CRLF3: variants seen among roughly 807,000 people sequenced by gnomAD.
The protein encoded by CRLF3 is cytokine receptor-like factor 3.
In CRLF3, 33 loss-of-function variants were observed where a neutral mutation model predicts 55.0. The ratio of observed to expected loss-of-function variants is 0.60; its 90% CI spans 0.46 to 0.80. CRLF3 has a LOEUF of 0.80. CRLF3 is among the 30% of genes least tolerant of loss of function. The probability of loss-of-function intolerance (pLI) is 0.00; values close to 1 mark genes in which losing one functional copy is unlikely to be tolerated. For synonymous variants in CRLF3, 238 were observed against 196.8 expected, an observed-to-expected ratio of 1.21 and a Z score of -1.75; for missense variants, 494 against 538.4, an observed-to-expected ratio of 0.92 and a Z score of 0.82.
At chr17:30,814,170 T>C (rs1292538481) in intron 1 of CRLF3, among the ~76,000 whole-genome samples, 4 of 152,074 alleles carry the variant, frequency 2.6e-5, no homozygotes, top group Non-Finnish European at 5.9e-5. Context: ...GACAGAAGAA[T>C]TGCTTGAATC....
At chr17:30,788,986 C>G (rs749567173) in intron 6 of CRLF3, among the ~76,000 whole-genome samples, 2 of 152,090 alleles carry the variant, frequency 1.3e-5, no homozygotes, top group Admixed American at 1.3e-4. Flanking sequence ...TATTGTTTCT[C>G]TTGATTCAAG....
At position 30,803,976 on chromosome 17, in the gene CRLF3, T is replaced by C. The variant is rs112220518; in HGVS notation, c.262A>G (p.Thr88Ala). ...LQEVDTIEQE[T>A]IKPLDDCQKL... ...TGGCAGTCATCTAGTGGTTTAATGGTCTCCTGTTCAATGGTGTCCACCTCT... is the reference window on the plus strand; with the variant it reads ...TGGCAGTCATCTAGTGGTTTAATGGCCTCCTGTTCAATGGTGTCCACCTCT... The change falls in exon 2 of 8, where the codon ACC becomes GCC. Residue 88 changes from threonine (T) to alanine (A), a missense_variant. Coordinates refer to ENST00000324238, the MANE Select transcript of CRLF3 (RefSeq NM_015986.4). 2 of 1,612,522 alleles carry C rather than the reference T, an allele frequency of 1.2e-6. No homozygotes were observed. Among genetic ancestry groups the C allele is most frequent in the Non-Finnish European group, 1.7e-6 (2 of 1,179,936 alleles).
intron 1 of CRLF3, among the ~76,000 whole-genome samples, chr17:30,820,186 GCATTCCTACACAGA>G (rs1455922666): frequency 6.6e-6 from 1 of 152,114 alleles, no homozygotes. Context: ...GACAATCCTT[GCATTCCTACACAGA>G]ACTTCCTTTT....
chr17:30,818,079 G>A (rs1394840984), intron 1 of CRLF3, among the ~76,000 whole-genome samples: 4 of 151,426 alleles, frequency 2.6e-5, no homozygotes, highest in Non-Finnish European at 2.9e-5. Flanking sequence ...CTTCACCATG[G>A]TGAAACCCCG....
chr17:30,797,231 G>GA, intron 3 of CRLF3, 80 bp downstream of exon 3: 1 of 982,972 alleles, frequency 1.0e-6, no homozygotes, highest in Admixed American at 1.7e-5. Context: ...CCCTTAATGA[G>GA]AATCTTGAAC....
Position 30,784,286 on chromosome 17 carries a change from A to G in CRLF3, c.1230T>C (p.Asn410=), listed in dbSNP as rs1971581571. The part of the protein sequence containing the change: ...FKLRVTISSN[N]REVVFDWLLD... ...GTAACCAGTCAAAAACCACTTCTCTATTATTTGAACTTATAGTTACTCGAA... is the reference window on the plus strand; with the variant it reads ...GTAACCAGTCAAAAACCACTTCTCTGTTATTTGAACTTATAGTTACTCGAA... Residue 410 remains asparagine (N), a synonymous_variant, in exon 8 of 8, where the codon AAT becomes AAC. Transcript: ENST00000324238. The G allele has an allele frequency of 6.2e-7, 1 of 1,614,086 alleles. No individual in the cohort carries two copies. Among genetic ancestry groups the G allele is most frequent in the Non-Finnish European group, 8.5e-7 (1 of 1,179,942 alleles).
Position 30,790,519 on chromosome 17 carries a change from A to T in CRLF3, c.959+1921T>A, listed in dbSNP as rs184928641. Reference sequence around the variant, plus strand: ...TACTTTAGAGAGTAGCATATACATAATATGTTTACAGTGTTGTCTCTTACA... The same window carrying T: ...TACTTTAGAGAGTAGCATATACATATTATGTTTACAGTGTTGTCTCTTACA... On this transcript the variant is annotated intron_variant, in intron 6 of 7. Transcript: ENST00000324238. The T allele has an allele frequency of 2.0e-5, 3 of 151,790 alleles. No individual in the cohort carries two copies. In the East Asian group the frequency reaches 5.8e-4, roughly 29 times the overall value. 9.4% of individuals were successfully genotyped at this position (151,790 alleles called of 1,614,324 possible).
intron 1 of CRLF3, among the ~76,000 whole-genome samples, chr17:30,808,278 T>G (rs1904484931): frequency 2.5e-3 from 3 of 1,218 alleles, no homozygotes; most frequent in African/African-American, 3.1e-3. Flanking sequence ...AGAACCTATA[T>G]TTTTTTTTTT....
chr17:30,788,338 AG>A (rs375404838), intron 6 of CRLF3, among the ~76,000 whole-genome samples: 36 of 129,730 alleles, frequency 2.8e-4, no homozygotes, highest in Middle Eastern at 7.8e-3. Flanking sequence ...AAAAAAAAAA[AG>A]AAAAGAAAAG....
intron 5 of CRLF3, 148 bp from the exon 6 acceptor site, chr17:30,792,720 A>G (rs1971832471): frequency 3.3e-6 from 2 of 613,490 alleles, no homozygotes; most frequent in Non-Finnish European, 5.5e-6. Context: ...TTAACAGGGT[A>G]TCATGATCAG....
intron 1 of CRLF3, among the ~76,000 whole-genome samples, chr17:30,820,528 C>G (rs892005289): frequency 2.6e-5 from 4 of 152,140 alleles, no homozygotes; most frequent in African/African-American, 9.6e-5. Flanking sequence ...CACCCAGGCA[C>G]GGTGGTAATC....
intron 6 of CRLF3, among the ~76,000 whole-genome samples, chr17:30,789,021 G>A (rs1971720364): frequency 6.6e-6 from 1 of 152,068 alleles, no homozygotes; most frequent in Non-Finnish European, 1.5e-5. Flanking sequence ...CCTCCCTTAT[G>A]CCCTTATGCA....
chr17:30,784,772 T>C (rs1248328373), intron 7 of CRLF3: 3 of 222,036 alleles, frequency 1.4e-5, no homozygotes, highest in Non-Finnish European at 2.7e-5. Flanking sequence ...TTTTTTTTTT[T>C]TTGGAGACAG....
At chr17:30,799,794 C>T (rs946492282) in intron 2 of CRLF3, among the ~76,000 whole-genome samples, 5 of 151,968 alleles carry the variant, frequency 3.3e-5, no homozygotes, top group African/African-American at 7.3e-5. Flanking sequence ...CACGAGCCAC[C>T]GCGCCCGGCC....
intron 1 of CRLF3, among the ~76,000 whole-genome samples, chr17:30,811,322 G>C (rs1466636003): frequency 6.6e-6 from 1 of 151,504 alleles, no homozygotes; most frequent in African/African-American, 2.4e-5. Flanking sequence ...GGGTTTGGTG[G>C]TGCCTGCCCG....
At chr17:30,817,354 C>A (rs1218063431) in intron 1 of CRLF3, among the ~76,000 whole-genome samples, 1 of 151,808 alleles carries the variant, frequency 6.6e-6, no homozygotes, top group Admixed American at 6.6e-5. Flanking sequence ...AGGAGAATTG[C>A]TTGAACCCGG....
intron 2 of CRLF3, among the ~76,000 whole-genome samples, chr17:30,803,158 C>G (rs1400268549): frequency 4.1e-5 from 6 of 147,266 alleles, no homozygotes; most frequent in African/African-American, 1.3e-4. Flanking sequence ...GAGCAAAACC[C>G]CTGTGTCAAA....
At chr17:30,806,339 C>T (rs1272937798) in intron 1 of CRLF3, among the ~76,000 whole-genome samples, 1 of 152,160 alleles carries the variant, frequency 6.6e-6, no homozygotes, top group African/African-American at 2.4e-5. Context: ...AGAGCCAAAC[C>T]ATGGCTTGCC....
intron 1 of CRLF3, among the ~76,000 whole-genome samples, chr17:30,807,097 T>G (rs1904429385): frequency 6.6e-6 from 1 of 152,152 alleles, no homozygotes; most frequent in Non-Finnish European, 1.5e-5. Context: ...TAACATATAA[T>G]TCATTTTCTC....
Sources: gnomAD v4.1 joint callset for allele counts (sites outside exome capture counted in the v4.1 genomes callset) on GRCh38, gnomAD v4.1.1 for gene constraint, MANE v1.5 for transcripts, NCBI Gene and HGNC (gene_info 2026-07-23, HGNC 2026-07-21) for gene names.